Variants in MTFP1 observed in about 807,000 individuals in gnomAD.
The protein encoded by MTFP1 is mitochondrial fission process 1.
Under a neutral mutation model 17.1 loss-of-function variants are expected in MTFP1, and 19 were observed. The ratio of observed to expected loss-of-function variants is 1.11; its 90% CI spans 0.77 to 1.63. MTFP1 has a LOEUF of 1.63. Ranked by LOEUF, MTFP1 falls within the 40% of genes most tolerant of loss-of-function variation. The pLI is 0.00. For synonymous variants in MTFP1, 89 were observed against 95.2 expected (o/e 0.93, Z 0.38); for missense variants, 221 against 226.2 (o/e 0.98, Z 0.15).
chr22:30,426,738 A>T lies in MTFP1; in HGVS notation c.89A>T (p.Glu30Val). 1 of 1,614,076 alleles carries T rather than the reference A, an allele frequency of 6.2e-7. No homozygotes were observed. The highest frequency in any genetic ancestry group is 8.5e-7 in the Non-Finnish European group (1 of 1,179,986). ...RYLGYANEVG[E>V]AFRSLVPAAV... ...CCAGGCTATGCCAATGAGGTGGGCG[A>T]GGCTTTCCGCTCTCTTGTGCCAGCG... The change falls in exon 2 of 4, where the codon GAG (glutamate) becomes GTG (valine). Residue 30 changes from glutamate to valine, a missense_variant. Physicochemically the swap from Glu to Val is moderately radical, Grantham distance 121. Transcript: ENST00000266263.
chr22:30,426,880 G>C (rs373297819), intron 2 of MTFP1, 36 bp downstream of exon 2: 14 of 1,602,560 alleles, frequency 8.7e-6, no homozygotes, highest in Non-Finnish European at 1.2e-5. Context: ...CCCAACCCTA[G>C]CTCTCTTCTT....
chr22:30,426,676 G>A (rs770015401), intron 1 of MTFP1, 41 bp from the exon 2 acceptor site: 1 of 1,610,054 alleles, frequency 6.2e-7, no homozygotes, highest in Non-Finnish European at 8.5e-7. Context: ...CCCCCTCGTG[G>A]AACAGTTGCG....
In MTFP1 at chr22:30,427,240, G is replaced by T; in HGVS notation, c.265G>T (p.Ala89Ser). The T allele has an allele frequency of 6.2e-7, 1 of 1,614,092 alleles. No individual in the cohort carries two copies. ...VAVVDTFVWQ[A>S]LASVAIPGFT... Reference sequence around the variant, plus strand: ...TGTGGTGGACACCTTTGTATGGCAGGCTCTAGCCTCTGTGGCCATTCCGGG... The same window carrying T: ...TGTGGTGGACACCTTTGTATGGCAGTCTCTAGCCTCTGTGGCCATTCCGGG... Residue 89 changes from alanine to serine, a missense_variant, in exon 3 of 4, where the codon GCT becomes TCT. Physicochemically the swap from Ala to Ser is moderately conservative, Grantham distance 99. Transcript: ENST00000266263.
chr22:30,429,023 C>A lies in MTFP1; in HGVS notation c.*489C>A. On this transcript the variant is annotated 3_prime_UTR_variant, in exon 4 of 4. Transcript: ENST00000266263. ...CTCAGGACAGATTCTCTGGCCAGGC[C>A]CTTCCCTGACCCAATAAATCCTGAA... 1 of 291,812 alleles carries A rather than the reference C, an allele frequency of 3.4e-6. No individual in the cohort carries two copies. The highest frequency in any genetic ancestry group is 4.7e-5 in the Admixed American group (1 of 21,256). 18.1% of individuals were successfully genotyped at this position (291,812 alleles called of 1,614,324 possible).
intron 3 of MTFP1, 116 bp downstream of exon 3, chr22:30,427,519 C>CTATT: frequency 8.8e-7 from 1 of 1,132,184 alleles, no homozygotes; most frequent in East Asian, 2.4e-5. Context: ...TTTGCTGGAG[C>CTATT]AATAGCAGGG....
chr22:30,428,114 C>T (rs1245605841), intron 3 of MTFP1, among the ~76,000 whole-genome samples: 1 of 152,184 alleles, frequency 6.6e-6, no homozygotes, highest in African/African-American at 2.4e-5. Flanking sequence ...GGGTCACGTG[C>T]TTGGTCTTAG....
chr22:30,426,810 C>T lies in MTFP1; in HGVS notation c.161C>T (p.Ala54Val), dbSNP rs770565388. The T allele has an allele frequency of 8.1e-6, 13 of 1,613,034 alleles. No individual in the cohort carries two copies. The South Asian group carries it at 1.3e-4, about 16-fold the overall frequency. The change falls in exon 2 of 4, where the codon GCG (alanine) becomes GTG (valine). Residue 54 changes from alanine (A) to valine (V), a missense_variant. Coordinates refer to ENST00000266263, the MANE Select transcript of MTFP1 (RefSeq NM_016498.5). ...SYGVASSYVL[A>V]DAIDKGKKAG... ...GGCGTGGCCAGCTCCTACGTGCTGGCGGATGCCATTGACAAAGGCAAGAAG... is the reference window on the plus strand; with the variant it reads ...GGCGTGGCCAGCTCCTACGTGCTGGTGGATGCCATTGACAAAGGCAAGAAG...
At chr22:30,427,620 G>A (rs1311526859) in intron 3 of MTFP1, among the ~76,000 whole-genome samples, 1 of 152,146 alleles carries the variant, frequency 6.6e-6, no homozygotes, top group Non-Finnish European at 1.5e-5. Context: ...AAAGAAGAGG[G>A]GTGCGTTGAG....
rs1303965294 is a variant in MTFP1, at chr22:30,428,466, G to A, written c.433G>A (p.Val145Met). ...CCACCCTTCCACTCCCTACAGGTCG[G>A]TGGATTTCCTCCTGGACTCCAGCCT... Reference protein sequence around the residue: ...PIIIHPIDRSVDFLLDSSLRK... With the variant: ...PIIIHPIDRSMDFLLDSSLRK... The change falls in exon 4 of 4, where the codon GTG becomes ATG. Residue 145 changes from valine to methionine, a missense_variant. By Grantham distance (21) the Val-to-Met change is conservative. Coordinates refer to ENST00000266263, the MANE Select transcript of MTFP1 (RefSeq NM_016498.5). 6.2e-7 allele frequency: 1 copy of A among 1,614,092 alleles called. No homozygotes were observed.
In MTFP1 at chr22:30,427,256, C is replaced by G; in HGVS notation, c.281C>G (p.Ala94Gly). 6.2e-7 allele frequency: 1 copy of G among 1,614,074 alleles called. No individual in the cohort carries two copies. The highest frequency in any genetic ancestry group is 8.5e-7 in the Non-Finnish European group (1 of 1,180,042). ...GTATGGCAGGCTCTAGCCTCTGTGG[C>G]CATTCCGGGCTTCACCATCAACCGC... is the stretch of plus-strand genomic sequence containing the variant. ...TFVWQALASV[A>G]IPGFTINRVC... Residue 94 changes from alanine to glycine, a missense_variant, in exon 3 of 4, where the codon GCC becomes GGC. Coordinates refer to ENST00000266263, the MANE Select transcript of MTFP1 (RefSeq NM_016498.5).
chr22:30,427,955 C>T (rs978575385), intron 3 of MTFP1, among the ~76,000 whole-genome samples: 4 of 152,132 alleles, frequency 2.6e-5, no homozygotes, highest in Non-Finnish European at 5.9e-5. Flanking sequence ...GCCCTAGCAG[C>T]TCCCAAGTTC....
rs968180777 is a variant in MTFP1 at position 30,428,918 on chromosome 22, A to C, written c.*384A>C. 19 of 537,502 alleles carry C rather than the reference A, an allele frequency of 3.5e-5. No individual in the cohort carries two copies. The highest frequency in any genetic ancestry group is 2.9e-4 in the African/African-American group (15 of 52,462). The allele number at this position is 537,502 out of a possible 1,614,324, so 33.3% of individuals were successfully genotyped here. A position where few individuals can be genotyped will look rare whatever the true frequency, so the allele number is the denominator to read the frequency against. ...CCCAGGACCCCCAGGTGCTTGACAG[A>C]GTCACCCCATGGTGGTATGGCTGAA... On this transcript the variant is annotated 3_prime_UTR_variant, in exon 4 of 4. Transcript: ENST00000266263.
rs201316604 is a variant in MTFP1, at chr22:30,427,365, G to A, written c.390G>A (p.Gly130=). ...GCAAGTGGACCACCACCGCGCTTGG[G>A]CTGTTGACCATCCCCATCATTATCC... ...AVRKWTTTAL[G]LLTIPIIIHP... Residue 130 remains glycine (G), a synonymous_variant, in exon 3 of 4, where the codon GGG becomes GGA. Transcript: ENST00000266263. 11 of 1,614,166 alleles carry A rather than the reference G, an allele frequency of 6.8e-6. No individual in the cohort carries two copies. Among genetic ancestry groups the A allele is most frequent in the Non-Finnish European group, 9.3e-6 (11 of 1,180,044 alleles).
Position 30,427,361 on chromosome 22 carries a change from T to C in MTFP1, c.386T>C (p.Leu129Pro), listed in dbSNP as rs1934692826. 1 of 1,614,072 alleles carries C rather than the reference T, an allele frequency of 6.2e-7. No individual in the cohort carries two copies. Residue 129 changes from leucine (L) to proline (P), a missense_variant, in exon 3 of 4, where the codon CTT becomes CCT. Physicochemically the swap from Leu to Pro is moderately conservative, Grantham distance 98 (BLOSUM62 -3). Coordinates refer to ENST00000266263, the MANE Select transcript of MTFP1 (RefSeq NM_016498.5). ...LAVRKWTTTALGLLTIPIIIH... is the reference protein window; with the variant it reads ...LAVRKWTTTAPGLLTIPIIIH... ...GTCCGCAAGTGGACCACCACCGCGC[T>C]TGGGCTGTTGACCATCCCCATCATT...
chr22:30,426,336 G>C (rs1020175627), intron 1 of MTFP1, among the ~76,000 whole-genome samples: 2 of 152,218 alleles, frequency 1.3e-5, no homozygotes, highest in African/African-American at 4.8e-5. Context: ...TTGGGTGGTG[G>C]TTGCGAGGGT....
At chr22:30,426,096 G>GCCCT in intron 1 of MTFP1, 150 bp downstream of exon 1, 1 of 852,144 alleles carries the variant, frequency 1.2e-6, no homozygotes, top group Non-Finnish European at 1.7e-6. Context: ...GACAGGGCTA[G>GCCCT]GGACTTGCCC....
chr22:30,427,009 C>A, intron 2 of MTFP1, 162 bp from the exon 3 acceptor site: 1 of 1,360,326 alleles, frequency 7.4e-7, no homozygotes, highest in Non-Finnish European at 1.0e-6. Context: ...TACCCCTGCC[C>A]CCACACTCCC....
At position 30,425,959 on chromosome 22, in the gene MTFP1, C is replaced by G; in HGVS notation, c.67+13C>G. 3 of 1,499,690 alleles carry G rather than the reference C, an allele frequency of 2.0e-6. No homozygotes were observed. The South Asian group carries it at 3.8e-5, about 19-fold the overall frequency. 92.9% of individuals were successfully genotyped at this position (1,499,690 alleles called of 1,614,324 possible). A position where few individuals can be genotyped will look rare whatever the true frequency, so the allele number is the denominator to read the frequency against. On this transcript the variant is annotated intron_variant, in intron 1 of 3. Coordinates refer to ENST00000266263, the MANE Select transcript of MTFP1 (RefSeq NM_016498.5). ...GTGCGATACCTGGGTGAGCGCGGGG[C>G]GACGGGCGCGGCGACCCCACCACCA...
chr22:30,427,274 T>TC lies in MTFP1; in HGVS notation c.300dup (p.Asn101GlnfsTer42), dbSNP rs772185466. 20 of 1,613,954 alleles carry TC rather than the reference T, an allele frequency of 1.2e-5. No individual in the cohort carries two copies. In the South Asian group the frequency reaches 2.2e-4, roughly 18 times the overall value. Reference sequence around the variant, plus strand: ...TCTGTGGCCATTCCGGGCTTCACCATCAACCGCGTGTGTGCTGCCTCTCTC... The same window carrying TC: ...TCTGTGGCCATTCCGGGCTTCACCATCCAACCGCGTGTGTGCTGCCTCTCTC... On this transcript the variant is annotated frameshift_variant, in exon 3 of 4. Transcript: ENST00000266263. LOFTEE classifies it high-confidence loss of function.
Sources: gnomAD v4.1 joint callset for allele counts (sites outside exome capture counted in the v4.1 genomes callset) on GRCh38, gnomAD v4.1.1 for gene constraint, MANE v1.5 for transcripts, NCBI Gene and HGNC (gene_info 2026-07-23, HGNC 2026-07-21) for gene names.